Variants in MYO9A observed in about 807,000 individuals in gnomAD.
MYO9A encodes myosin IXA, also known as unconventional myosin-IXa.
A neutral mutation model predicts 293.3 loss-of-function variants in MYO9A; 103 were observed. The observed-to-expected ratio is 0.35, with a 90% CI of 0.30 to 0.41. The LOEUF (loss-of-function observed/expected upper bound fraction) is 0.41. Among genes scored for constraint, MYO9A ranks in the 10% least tolerant of loss-of-function variants. The pLI is 1.00. For synonymous variants in MYO9A, 1,001 were observed against 1,035.7 expected, an observed-to-expected ratio of 0.97 and a Z score of 0.64; for missense variants, 2,685 against 3,033.0, an observed-to-expected ratio of 0.89 and a Z score of 2.69.
chr15:72,060,836 G>A (rs895459176), intron 1 of MYO9A, among the ~76,000 whole-genome samples: 2 of 152,126 alleles, frequency 1.3e-5, no homozygotes, highest in Non-Finnish European at 2.9e-5. Flanking sequence ...AGGTGCACAT[G>A]ACCCAGTGAG....
chr15:71,971,087 G>A (rs2075997763), intron 12 of MYO9A, among the ~76,000 whole-genome samples: 1 of 151,722 alleles, frequency 6.6e-6, no homozygotes, highest in Non-Finnish European at 1.5e-5. Context: ...CATTAACCCG[G>A]GAAGCAGAGC....
chr15:71,964,897 G>T (rs914669203), intron 13 of MYO9A, among the ~76,000 whole-genome samples: 17 of 151,952 alleles, frequency 1.1e-4, no homozygotes, highest in African/African-American at 4.1e-4. Flanking sequence ...GGTGGTTGCA[G>T]TACGCCAAGA....
At chr15:72,039,068 C>G (rs2078148793) in intron 2 of MYO9A, among the ~76,000 whole-genome samples, 1 of 151,826 alleles carries the variant, frequency 6.6e-6, no homozygotes, top group Admixed American at 6.6e-5. Context: ...GTGCAGTGGG[C>G]CAAAGATAGA....
intron 1 of MYO9A, among the ~76,000 whole-genome samples, chr15:72,088,014 A>C (rs2079795993): frequency 6.6e-6 from 1 of 152,118 alleles, no homozygotes; most frequent in Non-Finnish European, 1.5e-5. Flanking sequence ...GTAAGAAGAG[A>C]TGTCAGGGAT....
chr15:72,118,017 T>G lies in MYO9A; in HGVS notation c.-409A>C. 1 of 397,342 alleles carries G rather than the reference T, an allele frequency of 2.5e-6. No homozygotes were observed. The highest frequency in any genetic ancestry group is 4.4e-6 in the Non-Finnish European group (1 of 225,216). 24.6% of individuals were successfully genotyped at this position (397,342 alleles called of 1,614,324 possible). A position where few individuals can be genotyped will look rare whatever the true frequency, so the allele number is the denominator to read the frequency against. Reference sequence around the variant, plus strand: ...CGCCGCCGCCTCTCGCAGTCCGGGCTGTCCTGTACTCTCTCAACAGACACA... The same window carrying G: ...CGCCGCCGCCTCTCGCAGTCCGGGCGGTCCTGTACTCTCTCAACAGACACA... On this transcript the variant is annotated 5_prime_UTR_variant, in exon 1 of 42. Coordinates refer to ENST00000356056, the MANE Select transcript of MYO9A (RefSeq NM_006901.4).
At chr15:72,100,165 C>A (rs1428541103) in intron 1 of MYO9A, among the ~76,000 whole-genome samples, 1 of 151,928 alleles carries the variant, frequency 6.6e-6, no homozygotes, top group East Asian at 1.9e-4. Flanking sequence ...GGCGGATCAC[C>A]TGACGTCCGG....
At chr15:71,879,980 T>G (rs2056823218) in intron 29 of MYO9A, 143 bp from the exon 30 acceptor site, 1 of 627,278 alleles carries the variant, frequency 1.6e-6, no homozygotes, top group African/African-American at 1.8e-5. Flanking sequence ...GTGAAAGTTA[T>G]GACTAGACAG....
intron 32 of MYO9A, among the ~76,000 whole-genome samples, chr15:71,870,215 T>TAA (rs937709972): frequency 7.1e-6 from 1 of 140,808 alleles, no homozygotes; most frequent in Non-Finnish European, 1.6e-5. Context: ...TAAAAGTGGT[T>TAA]AAAAAAAAAA....
intron 35 of MYO9A, 125 bp from the exon 36 acceptor site, chr15:71,852,385 T>TG (rs1261925011): frequency 3.2e-6 from 3 of 933,578 alleles, no homozygotes; most frequent in Non-Finnish European, 4.5e-6. Context: ...TTTTTTGAGA[T>TG]GGAGTTTCAC....
chr15:71,894,695 C>T (rs2143008076), intron 25 of MYO9A, among the ~76,000 whole-genome samples: 1 of 152,282 alleles, frequency 6.6e-6, no homozygotes, highest in Non-Finnish European at 1.5e-5. Context: ...ACAGGTGTTA[C>T]AGTGTTAGCT....
At chr15:71,834,766 CAAAA>C (rs1173708741) in intron 39 of MYO9A, among the ~76,000 whole-genome samples, 1 of 151,778 alleles carries the variant, frequency 6.6e-6, no homozygotes, top group Non-Finnish European at 1.5e-5. Flanking sequence ...GAGCCTGTCT[CAAAA>C]CAAACAAACA....
chr15:71,911,982 T>C (rs2057866255), intron 19 of MYO9A, among the ~76,000 whole-genome samples: 1 of 152,210 alleles, frequency 6.6e-6, no homozygotes, highest in African/African-American at 2.4e-5. Flanking sequence ...CTTTTTTTTA[T>C]TGAGTATATT....
chr15:71,827,967 A>C lies in MYO9A; in HGVS notation c.7100T>G (p.Leu2367Arg), dbSNP rs2054577023. Residue 2367 changes from leucine (L) to arginine (R), a missense_variant, in exon 41 of 42, where the codon CTT becomes CGT. Leu to Arg is a moderately radical substitution (Grantham distance 102). Around this residue, in one of 10 missense-constraint regions of MYO9A, gnomAD observed 350 missense variants for 328.9 expected, o/e 1.06. Transcript: ENST00000356056. ...AGTCCCAATGGAGGCCTCAGACTCA[A>C]GGGTTTCATCATCAGAGGCACGGGG... The part of the protein sequence containing the change: ...LEPRASDDET[L>R]ESEASIGTAD... 6.2e-7 allele frequency: 1 copy of C among 1,613,894 alleles called. No individual in the cohort carries two copies. The highest frequency in any genetic ancestry group is 2.2e-5 in the East Asian group (1 of 44,878).
At chr15:72,039,992 C>A in intron 2 of MYO9A, 2 of 188,054 alleles carry the variant, frequency 1.1e-5, no homozygotes, top group South Asian at 1.2e-4. Context: ...GGAAATAACC[C>A]TGAACCTGCA....
intron 3 of MYO9A, among the ~76,000 whole-genome samples, chr15:72,030,752 G>A (rs1424280377): frequency 6.6e-6 from 1 of 152,062 alleles, no homozygotes. Flanking sequence ...TCCAACTCCT[G>A]ACCTCAAATG....
chr15:71,902,999 T>C lies in MYO9A; in HGVS notation c.2942A>G (p.Gln981Arg). Residue 981 changes from glutamine to arginine, a missense_variant, in exon 22 of 42, where the codon CAG becomes CGG. Transcript: ENST00000356056. The stretch of plus-strand genomic sequence containing the variant: ...AAGATTTATTTTCCTGAAGAAATCC[T>C]GAATGTTAAATTTGGATGGAATAAT... ...RNIIPSKFNI[Q>R]DFFRKINLNP... 1.3e-6 allele frequency: 2 copies of C among 1,587,292 alleles called. No homozygotes were observed. Among genetic ancestry groups the C allele is most frequent in the South Asian group, 1.1e-5 (1 of 88,332 alleles).
At chr15:72,054,886 G>A (rs148878130) in intron 1 of MYO9A, among the ~76,000 whole-genome samples, 26 of 150,530 alleles carry the variant, frequency 1.7e-4, no homozygotes, top group Non-Finnish European at 3.2e-4. Flanking sequence ...GTGGACAGAT[G>A]TCTCTCAGAA....
chr15:71,860,373 G>A (rs576804547), intron 33 of MYO9A, among the ~76,000 whole-genome samples: 36 of 152,298 alleles, frequency 2.4e-4, no homozygotes, highest in African/African-American at 8.4e-4. Context: ...GGGAAGATGG[G>A]ATAAAGAAAA....
rs57800508 is a variant in MYO9A at position 71,975,390 on chromosome 15, C to CGTGTGTGTGTGTGTGTGT, written c.1844+2763_1844+2780dup. Among the ~76,000 whole-genome samples, 156 of 86,682 alleles carry CGTGTGTGTGTGTGTGTGT rather than the reference C, an allele frequency of 1.8e-3. 18 individuals are homozygous for CGTGTGTGTGTGTGTGTGT. Among genetic ancestry groups the CGTGTGTGTGTGTGTGTGT allele is most frequent in the African/African-American group, 3.5e-3 (66 of 19,068 alleles). 56.9% of individuals were successfully genotyped at this position (86,682 alleles called of 152,430 possible). ...CCTTTGGCCTATGACGTGATTTTATCGTGTGTGTGTGTGTGTGTGTGTGTG... is the reference window on the plus strand; with the variant it reads ...CCTTTGGCCTATGACGTGATTTTATCGTGTGTGTGTGTGTGTGTGTGTGTGTGTGTGTGTGTGTGTGTG... On this transcript the variant is annotated intron_variant, in intron 12 of 41. Coordinates refer to ENST00000356056, the MANE Select transcript of MYO9A (RefSeq NM_006901.4).
Sources: gnomAD v4.1 joint callset for allele counts (sites outside exome capture counted in the v4.1 genomes callset) on GRCh38, gnomAD v4.1.1 for gene constraint, gnomAD v4.1.1 regional missense constraint, MANE v1.5 for transcripts, NCBI Gene and HGNC (gene_info 2026-07-23, HGNC 2026-07-21) for gene names.